PPFIA2: variants seen among roughly 807,000 people sequenced by gnomAD.
PPFIA2 encodes liprin-alpha-2.
A neutral mutation model predicts 175.5 loss-of-function variants in PPFIA2; 46 were observed. The observed-to-expected ratio is 0.26, with a 90% CI of 0.21 to 0.34. The LOEUF is 0.34. PPFIA2 is among the 10% of genes least tolerant of loss of function. The pLI is 1.00. For missense variants in PPFIA2, 1,179 were observed against 1,506.1 expected (o/e 0.78, Z 3.60); for synonymous variants, 568 against 511.4 (o/e 1.11, Z -1.49).
chr12:81,586,902 C>A (rs555678072), intron 4 of PPFIA2, among the ~76,000 whole-genome samples: 5 of 151,950 alleles, frequency 3.3e-5, no homozygotes, highest in Non-Finnish European at 7.4e-5. Context: ...AAAGTACCTT[C>A]ATCATTAAAA....
chr12:81,360,161 C>T (rs1018009622), intron 15 of PPFIA2, among the ~76,000 whole-genome samples: 1 of 151,930 alleles, frequency 6.6e-6, no homozygotes, highest in Non-Finnish European at 1.5e-5. Flanking sequence ...AAACTCATCT[C>T]TCTCCTCTTT....
At chr12:81,403,150 A>G (rs2042347735) in intron 8 of PPFIA2, among the ~76,000 whole-genome samples, 1 of 152,102 alleles carries the variant, frequency 6.6e-6, no homozygotes, top group South Asian at 2.1e-4. Flanking sequence ...ATGTTTAAAA[A>G]CCTTTAGTTA....
At chr12:81,412,441 A>C (rs1399938691) in intron 7 of PPFIA2, among the ~76,000 whole-genome samples, 2 of 151,668 alleles carry the variant, frequency 1.3e-5, no homozygotes, top group African/African-American at 4.8e-5. Context: ...ACATTATATA[A>C]ATTTGCTTCT....
chr12:81,470,036 G>C (rs909126524), intron 4 of PPFIA2, among the ~76,000 whole-genome samples: 2 of 152,132 alleles, frequency 1.3e-5, no homozygotes, highest in African/African-American at 4.8e-5. Flanking sequence ...ATATATCTTT[G>C]TTGATTAAGC....
chr12:81,706,300 C>A (rs1228795990), intron 3 of PPFIA2, among the ~76,000 whole-genome samples: 2 of 152,100 alleles, frequency 1.3e-5, no homozygotes, highest in African/African-American at 4.8e-5. Context: ...AAGCACTGAG[C>A]ACTTTTAAAA....
chr12:81,605,792 T>C (rs1459053237), intron 4 of PPFIA2, among the ~76,000 whole-genome samples: 1 of 151,872 alleles, frequency 6.6e-6, no homozygotes, highest in Non-Finnish European at 1.5e-5. Flanking sequence ...AGTTCTACAA[T>C]ATGTAGCAAA....
chr12:81,637,069 T>A (rs1215361897), intron 4 of PPFIA2, among the ~76,000 whole-genome samples: 1 of 148,580 alleles, frequency 6.7e-6, no homozygotes, highest in East Asian at 2.0e-4. Flanking sequence ...ACTCTATATC[T>A]TTTTTTTTTC....
At chr12:81,754,534 CAT>C (rs1188296010) in intron 2 of PPFIA2, among the ~76,000 whole-genome samples, 1 of 152,150 alleles carries the variant, frequency 6.6e-6, no homozygotes, top group Non-Finnish European at 1.5e-5. Context: ...TTTACATAAA[CAT>C]GTGATTTCTA....
At chr12:81,541,000 T>G (rs1025269920) in intron 4 of PPFIA2, among the ~76,000 whole-genome samples, 74 of 152,230 alleles carry the variant, frequency 4.9e-4, no homozygotes, top group African/African-American at 1.7e-3. Flanking sequence ...CTGGAATCTA[T>G]TATTCCCATG....
At chr12:81,668,924 C>T (rs1164769792) in intron 4 of PPFIA2, among the ~76,000 whole-genome samples, 1 of 151,950 alleles carries the variant, frequency 6.6e-6, no homozygotes, top group East Asian at 1.9e-4. Context: ...CAATCTGAGA[C>T]CTGTTATCAT....
intron 11 of PPFIA2, chr12:81,369,472 C>T: frequency 1.6e-6 from 2 of 1,248,940 alleles, no homozygotes; most frequent in Non-Finnish European, 2.0e-6. Context: ...TGAACACAAA[C>T]CTGCCATTGT....
At chr12:81,676,119 A>C (rs1427510447) in intron 4 of PPFIA2, among the ~76,000 whole-genome samples, 2 of 152,088 alleles carry the variant, frequency 1.3e-5, no homozygotes. Context: ...AAAAGCAAGT[A>C]ATGACAAAAA....
chr12:81,599,872 CAT>C (rs1415644939), intron 4 of PPFIA2, among the ~76,000 whole-genome samples: 1 of 151,914 alleles, frequency 6.6e-6, no homozygotes, highest in Admixed American at 6.6e-5. Context: ...TGAAATCATA[CAT>C]GTTTGCCTGT....
chr12:81,303,602 T>C (rs1238301191), intron 22 of PPFIA2, among the ~76,000 whole-genome samples: 3 of 152,192 alleles, frequency 2.0e-5, no homozygotes, highest in Admixed American at 1.3e-4. Flanking sequence ...CTATTATTGA[T>C]ATCAATAAGT....
At chr12:81,446,599 G>A (rs2051317030) in intron 5 of PPFIA2, among the ~76,000 whole-genome samples, 1 of 152,172 alleles carries the variant, frequency 6.6e-6, no homozygotes, top group African/African-American at 2.4e-5. Flanking sequence ...CAGTTGGTGA[G>A]CATTATAGGA....
intron 22 of PPFIA2, among the ~76,000 whole-genome samples, chr12:81,324,461 C>A (rs1052150820): frequency 6.6e-6 from 1 of 152,044 alleles, no homozygotes; most frequent in South Asian, 2.1e-4. Flanking sequence ...AATTAACTTT[C>A]AAGGGAAATA....
intron 4 of PPFIA2, among the ~76,000 whole-genome samples, chr12:81,597,427 C>T (rs2059364773): frequency 6.6e-6 from 1 of 151,980 alleles, no homozygotes; most frequent in Admixed American, 6.6e-5. Flanking sequence ...GGAAAGCATA[C>T]TAAACTTGGT....
intron 4 of PPFIA2, among the ~76,000 whole-genome samples, chr12:81,622,457 A>G (rs2062165932): frequency 6.6e-6 from 1 of 152,102 alleles, no homozygotes; most frequent in African/African-American, 2.4e-5. Flanking sequence ...TGAATTTTCA[A>G]TTAAATTTAT....
intron 4 of PPFIA2, among the ~76,000 whole-genome samples, chr12:81,592,220 C>T (rs942125633): frequency 6.6e-6 from 1 of 152,024 alleles, no homozygotes; most frequent in African/African-American, 2.4e-5. Context: ...ATGCCTGTGC[C>T]CCCATGGTAT....
Sources: allele counts gnomAD v4.1 joint callset (sites outside exome capture counted in the v4.1 genomes callset), GRCh38; gene constraint gnomAD v4.1.1; transcripts MANE v1.5; gene names NCBI Gene and HGNC (gene_info 2026-07-23, HGNC 2026-07-21).